ZZZ3: variants seen among roughly 807,000 people sequenced by gnomAD.
The protein encoded by ZZZ3 is zinc finger ZZ-type containing 3.
ZZZ3 carries 22 observed loss-of-function variants against 95.2 expected under a neutral mutation model. The observed-to-expected ratio is 0.23, with a 90% CI of 0.17 to 0.33. ZZZ3 has a LOEUF of 0.33. Ranked by LOEUF, ZZZ3 falls within the 10% of genes least tolerant of loss-of-function variation. ZZZ3 has a pLI of 1.00. For synonymous variants in ZZZ3, 335 were observed against 358.9 expected, an observed-to-expected ratio of 0.93 and a Z score of 0.75; for missense variants, 885 against 1,066.5, an observed-to-expected ratio of 0.83 and a Z score of 2.37.
At position 77,565,683 on chromosome 1, in the gene ZZZ3, C is replaced by T. The variant is rs1260389090; in HGVS notation, c.2669G>A (p.Ser890Asn). 3 of 1,613,936 alleles carry T rather than the reference C, an allele frequency of 1.9e-6. No individual in the cohort carries two copies. Among genetic ancestry groups the T allele is most frequent in the Non-Finnish European group, 1.7e-6 (2 of 1,179,912 alleles). The change falls in exon 15 of 15, where the codon AGT becomes AAT. Residue 890 changes from serine to asparagine, a missense_variant. By Grantham distance (46) the Ser-to-Asn change is conservative. Coordinates refer to ENST00000370801, the MANE Select transcript of ZZZ3 (RefSeq NM_015534.6). ...DRDYCVSQGT[S>N]YNYLDPNYFP... Reference sequence around the variant, plus strand: ...GTAGTTTGGGTCAAGGTAATTGTAACTGGTGCCCTGAGACACACAGTAGTC... The same window carrying T: ...GTAGTTTGGGTCAAGGTAATTGTAATTGGTGCCCTGAGACACACAGTAGTC...
At chr1:77,652,298 A>G (rs1034520390) in intron 1 of ZZZ3, among the ~76,000 whole-genome samples, 1 of 152,204 alleles carries the variant, frequency 6.6e-6, no homozygotes, top group African/African-American at 2.4e-5. Context: ...ACTTAAACAG[A>G]TATTTCTGCA....
At chr1:77,609,352 T>C (rs1665552934) in intron 5 of ZZZ3, among the ~76,000 whole-genome samples, 2 of 152,168 alleles carry the variant, frequency 1.3e-5, no homozygotes, top group South Asian at 2.1e-4. Context: ...ATTAGAAATA[T>C]ATATGCACTC....
upstream of ZZZ3, chr1:77,682,774 C>G (rs1162343497): frequency 2.6e-5 from 4 of 152,236 alleles, no homozygotes; most frequent in Non-Finnish European, 5.9e-5. Context: ...ACTTAAAAAG[C>G]ACTTCACTAA....
chr1:77,639,410 C>G, intron 4 of ZZZ3, 39 bp downstream of exon 4: 4 of 1,443,936 alleles, frequency 2.8e-6, no homozygotes, highest in Non-Finnish European at 3.7e-6. Context: ...AGAAGTCAAA[C>G]TATAGCTGTC....
chr1:77,676,357 G>A (rs1004153889), intron 1 of ZZZ3, among the ~76,000 whole-genome samples: 10 of 152,184 alleles, frequency 6.6e-5, no homozygotes, highest in African/African-American at 2.2e-4. Flanking sequence ...TTGTAGAGAC[G>A]AGGTCACACT....
chr1:77,665,501 G>T (rs1671167223), intron 1 of ZZZ3, among the ~76,000 whole-genome samples: 2 of 152,146 alleles, frequency 1.3e-5, no homozygotes, highest in Admixed American at 1.3e-4. Flanking sequence ...ATACTGTGTG[G>T]TTTAAAACTA....
chr1:77,589,159 G>A (rs1345095167), intron 5 of ZZZ3, among the ~76,000 whole-genome samples: 1 of 152,148 alleles, frequency 6.6e-6, no homozygotes, highest in Admixed American at 6.5e-5. Flanking sequence ...TTATAGGCGT[G>A]AGCCCCCACA....
At chr1:77,634,310 T>G (rs1668105527) in intron 4 of ZZZ3, among the ~76,000 whole-genome samples, 1 of 152,216 alleles carries the variant, frequency 6.6e-6, no homozygotes, top group Admixed American at 6.5e-5. Context: ...GGCTCTCCTC[T>G]TTTTAATTTA....
intron 5 of ZZZ3, among the ~76,000 whole-genome samples, chr1:77,589,799 T>C (rs1337243445): frequency 1.3e-5 from 2 of 151,968 alleles, no homozygotes; most frequent in South Asian, 2.1e-4. Flanking sequence ...GGCAGTAATA[T>C]TACATACACA....
intron 5 of ZZZ3, among the ~76,000 whole-genome samples, chr1:77,614,298 G>C (rs1304993538): frequency 6.6e-6 from 1 of 152,106 alleles, no homozygotes; most frequent in African/African-American, 2.4e-5. Context: ...CGTAATCATA[G>C]AGTAACAAGG....
At chr1:77,578,742 T>G (rs1416550615) in intron 11 of ZZZ3, 32 bp downstream of exon 11, 1 of 1,244,222 alleles carries the variant, frequency 8.0e-7, no homozygotes, top group Non-Finnish European at 1.1e-6. Flanking sequence ...ATAAATTTAA[T>G]CTACAGTTTA....
chr1:77,646,190 T>C (rs1243837350), intron 1 of ZZZ3, among the ~76,000 whole-genome samples: 1 of 152,050 alleles, frequency 6.6e-6, no homozygotes, highest in Non-Finnish European at 1.5e-5. Flanking sequence ...CTAACCCAAA[T>C]GCCTTCTAAT....
chr1:77,580,993 A>T lies in ZZZ3; in HGVS notation c.1980+5T>A, dbSNP rs1662457131. ...AAGCCTACACGATTTTGAAATATTT[A>T]TTACCTGTTCTTCAACAGTCCACAA... On this transcript the variant is annotated splice_donor_5th_base_variant and intron_variant, in intron 9 of 14. Coordinates refer to ENST00000370801, the MANE Select transcript of ZZZ3 (RefSeq NM_015534.6). 6.2e-7 allele frequency: 1 copy of T among 1,612,658 alleles called. No individual in the cohort carries two copies. The highest frequency in any genetic ancestry group is 8.5e-7 in the Non-Finnish European group (1 of 1,178,748).
intron 4 of ZZZ3, among the ~76,000 whole-genome samples, chr1:77,638,703 T>C (rs1389037064): frequency 6.6e-6 from 1 of 152,156 alleles, no homozygotes; most frequent in Non-Finnish European, 1.5e-5. Context: ...AAACTGGTCA[T>C]GATACCAGAA....
chr1:77,572,213 T>C (rs980889312), intron 12 of ZZZ3, among the ~76,000 whole-genome samples: 4 of 152,240 alleles, frequency 2.6e-5, no homozygotes, highest in Non-Finnish European at 5.9e-5. Context: ...CATTTTTAAA[T>C]AAATAAACTC....
At chr1:77,590,229 C>G (rs889674013) in intron 5 of ZZZ3, among the ~76,000 whole-genome samples, 13 of 152,162 alleles carry the variant, frequency 8.5e-5, no homozygotes, top group African/African-American at 3.1e-4. Flanking sequence ...CAAAAATTAG[C>G]TGGACATGGT....
rs1009548953 is a variant in ZZZ3 at position 77,633,454 on chromosome 1, C to T, written c.-51-49G>A. On this transcript the variant is annotated intron_variant, in intron 4 of 14. Transcript: ENST00000370801. The stretch of plus-strand genomic sequence containing the variant: ...TGAGAAAAAGGTAATAGTTAATATA[C>T]CCAGAACGAAAGTATAAAGCTATAA... The T allele has an allele frequency of 4.7e-6, 6 of 1,266,258 alleles. No individual in the cohort carries two copies. The African/African-American group carries it at 9.0e-5, about 19-fold the overall frequency. The allele number at this position is 1,266,258 out of a possible 1,614,324, so 78.4% of individuals were successfully genotyped here.
At chr1:77,618,835 T>TAA (rs1666583965) in intron 5 of ZZZ3, among the ~76,000 whole-genome samples, 1 of 152,228 alleles carries the variant, frequency 6.6e-6, no homozygotes, top group Non-Finnish European at 1.5e-5. Context: ...CAGTGTTTTT[T>TAA]AATCACATTA....
chr1:77,601,263 A>C (rs1206542132), intron 5 of ZZZ3, among the ~76,000 whole-genome samples: 1 of 152,198 alleles, frequency 6.6e-6, no homozygotes, highest in East Asian at 1.9e-4. Flanking sequence ...CTAATGAAGA[A>C]TCTAAGGTAA....
Sources: allele counts gnomAD v4.1 joint callset (sites outside exome capture counted in the v4.1 genomes callset), GRCh38; gene constraint gnomAD v4.1.1; transcripts MANE v1.5; gene names NCBI Gene and HGNC (gene_info 2026-07-23, HGNC 2026-07-21).